RBFOX1: variants seen among roughly 807,000 people sequenced by gnomAD.
RBFOX1 encodes RNA binding protein fox-1 homolog 1.
Under a neutral mutation model 57.7 loss-of-function variants are expected in RBFOX1, and 8 were observed. That is an observed-to-expected ratio of 0.14 (90% CI 0.08 to 0.25). The LOEUF is 0.25. Ranked by LOEUF, RBFOX1 falls within the 10% of genes least tolerant of loss-of-function variation. The pLI, the probability that RBFOX1 is intolerant of heterozygous loss-of-function variation, is 1.00. For synonymous variants in RBFOX1, 326 were observed against 222.4 expected (o/e 1.47, Z -4.15); for missense variants, 611 against 548.5 (o/e 1.11, Z -1.14).
At chr16:6,843,724 G>A (rs1323222707) in intron 3 of RBFOX1, among the ~76,000 whole-genome samples, 1 of 152,128 alleles carries the variant, frequency 6.6e-6, no homozygotes, top group African/African-American at 2.4e-5. Context: ...AAGCTTTACA[G>A]GTAGTTCCTT....
At chr16:7,477,267 A>G (rs34046238) in intron 4 of RBFOX1, among the ~76,000 whole-genome samples, 7,332 of 152,218 alleles carry the variant, frequency 0.048, 561 homozygotes, top group East Asian at 0.33. Context: ...TCCACCGGCA[A>G]TGAGACACAG....
At chr16:7,182,415 C>A (rs891119052) in intron 4 of RBFOX1, among the ~76,000 whole-genome samples, 1 of 152,170 alleles carries the variant, frequency 6.6e-6, no homozygotes, top group Non-Finnish European at 1.5e-5. Context: ...TGAATTCGTT[C>A]ATGTTCTTGG....
chr16:6,932,366 C>T (rs767963359), intron 3 of RBFOX1, among the ~76,000 whole-genome samples: 1 of 152,182 alleles, frequency 6.6e-6, no homozygotes, highest in Non-Finnish European at 1.5e-5. Context: ...CTCAGGCTCC[C>T]TAAGTGCTGG....
chr16:7,700,010 T>G (rs1156423338), intron 14 of RBFOX1, among the ~76,000 whole-genome samples: 1 of 152,122 alleles, frequency 6.6e-6, no homozygotes, highest in Non-Finnish European at 1.5e-5. Context: ...GTGGGTGTGT[T>G]GGTGCTGTAG....
At chr16:7,400,760 T>G (rs528598485) in intron 4 of RBFOX1, among the ~76,000 whole-genome samples, 52 of 152,284 alleles carry the variant, frequency 3.4e-4, no homozygotes, top group Non-Finnish European at 6.2e-4. Flanking sequence ...ATCCAGTCAA[T>G]TAAAAATGGA....
At chr16:6,822,558 C>T (rs1392930343) in intron 3 of RBFOX1, among the ~76,000 whole-genome samples, 2 of 152,210 alleles carry the variant, frequency 1.3e-5, no homozygotes, top group Admixed American at 6.5e-5. Context: ...TCTTGCCGTG[C>T]ACAGTGAGCT....
chr16:6,111,744 A>C (rs1460272288), intron 1 of RBFOX1, among the ~76,000 whole-genome samples: 1 of 152,188 alleles, frequency 6.6e-6, no homozygotes, highest in African/African-American at 2.4e-5. Flanking sequence ...ACCAAGGAAG[A>C]CTTTTGAAAA....
At chr16:7,365,141 G>A (rs745678964) in intron 4 of RBFOX1, among the ~76,000 whole-genome samples, 2 of 152,032 alleles carry the variant, frequency 1.3e-5, no homozygotes, top group Non-Finnish European at 2.9e-5. Flanking sequence ...TGATGGATAG[G>A]GTTTCAAGAC....
intron 2 of RBFOX1, among the ~76,000 whole-genome samples, chr16:5,539,540 A>G (rs1267132398): frequency 6.6e-6 from 1 of 152,076 alleles, no homozygotes; most frequent in East Asian, 1.9e-4. Context: ...GGTGGAGGTT[A>G]TAGTGAGCCA....
At chr16:6,658,883 T>G (rs948245456) in intron 3 of RBFOX1, among the ~76,000 whole-genome samples, 1 of 151,924 alleles carries the variant, frequency 6.6e-6, no homozygotes, top group African/African-American at 2.4e-5. Context: ...TTTTCACCCT[T>G]TAATAGGAAG....
chr16:5,318,176 T>G (rs978140668), intron 1 of RBFOX1, among the ~76,000 whole-genome samples: 60 of 152,206 alleles, frequency 3.9e-4, no homozygotes, highest in African/African-American at 1.2e-3. Flanking sequence ...TCACCCAGGC[T>G]GGAGTGCAGT....
chr16:7,603,489 TG>T (rs1189431710), intron 9 of RBFOX1, among the ~76,000 whole-genome samples: 2 of 151,938 alleles, frequency 1.3e-5, no homozygotes, highest in African/African-American at 4.8e-5. Context: ...AAAATAAAAC[TG>T]GGAATGGAAT....
At chr16:6,261,706 C>A (rs537100861) in intron 1 of RBFOX1, among the ~76,000 whole-genome samples, 1 of 152,094 alleles carries the variant, frequency 6.6e-6, no homozygotes, top group Non-Finnish European at 1.5e-5. Flanking sequence ...TAAAAGTAGG[C>A]TTTCTTCAGT....
At chr16:7,383,075 C>G (rs1201109216) in intron 4 of RBFOX1, among the ~76,000 whole-genome samples, 1 of 151,954 alleles carries the variant, frequency 6.6e-6, no homozygotes, top group Non-Finnish European at 1.5e-5. Flanking sequence ...AAAAAAAATG[C>G]AATATCCAGT....
At chr16:5,493,402 CTGTG>C (rs1182814793) in intron 2 of RBFOX1, among the ~76,000 whole-genome samples, 1 of 152,122 alleles carries the variant, frequency 6.6e-6, no homozygotes, top group Non-Finnish European at 1.5e-5. Flanking sequence ...TCCGCACCCT[CTGTG>C]TGTTTCCTCC....
intron 3 of RBFOX1, among the ~76,000 whole-genome samples, chr16:5,782,988 G>C (rs150988486): frequency 1.3e-5 from 2 of 152,186 alleles, no homozygotes; most frequent in Middle Eastern, 3.4e-3. Flanking sequence ...TCACTTTGTC[G>C]AGTCCACTGA....
At chr16:6,837,056 A>G (rs970958719) in intron 3 of RBFOX1, among the ~76,000 whole-genome samples, 1 of 152,242 alleles carries the variant, frequency 6.6e-6, no homozygotes, top group African/African-American at 2.4e-5. Flanking sequence ...GGACAGGGTA[A>G]GGATGAGTTG....
chr16:6,662,872 C>G (rs959328418), intron 3 of RBFOX1, among the ~76,000 whole-genome samples: 1 of 152,110 alleles, frequency 6.6e-6, no homozygotes, highest in African/African-American at 2.4e-5. Context: ...TTCTTTAAAA[C>G]AAATACTCCC....
intron 3 of RBFOX1, among the ~76,000 whole-genome samples, chr16:7,012,990 C>T (rs2093723831): frequency 6.6e-6 from 1 of 152,104 alleles, no homozygotes; most frequent in African/African-American, 2.4e-5. Flanking sequence ...AGTGGCGTTT[C>T]CTCAGTGTGT....
Sources: allele counts gnomAD v4.1 joint callset (sites outside exome capture counted in the v4.1 genomes callset), GRCh38; gene constraint gnomAD v4.1.1; transcripts MANE v1.5; gene names NCBI Gene and HGNC (gene_info 2026-07-23, HGNC 2026-07-21).